The following UNC13C variants were observed in gnomAD, a reference collection of about 807,000 sequenced individuals.
UNC13C encodes the protein unc-13 homolog C, also known as protein unc-13 homolog C.
In UNC13C, 174 loss-of-function variants were observed where a neutral mutation model predicts 245.4. The ratio of observed to expected loss-of-function variants is 0.71; its 90% CI spans 0.63 to 0.80. The LOEUF is 0.80. Among genes scored for constraint, UNC13C ranks in the 30% least tolerant of loss-of-function variants. UNC13C has a pLI of 0.00. For synonymous variants in UNC13C, 992 were observed against 895.1 expected (o/e 1.11, Z -1.93); for missense variants, 2,829 against 2,602.9 (o/e 1.09, Z -1.89).
chr15:54,014,936 A>G lies in UNC13C; in HGVS notation c.2033A>G (p.Tyr678Cys). 6.2e-7 allele frequency: 1 copy of G among 1,613,914 alleles called. No homozygotes were observed. The highest frequency in any genetic ancestry group is 8.5e-7 in the Non-Finnish European group (1 of 1,179,844). ...LDSSTQEGFDYETNSLFDQQL... is the reference protein window; with the variant it reads ...LDSSTQEGFDCETNSLFDQQL... ...TCATCCACCCAGGAAGGTTTTGATT[A>G]TGAAACAAACAGTCTTTTTGACCAA... Residue 678 changes from tyrosine to cysteine, a missense_variant, in exon 2 of 33, where the codon TAT becomes TGT. Coordinates refer to ENST00000260323, the MANE Select transcript of UNC13C (RefSeq NM_001080534.3).
At chr15:54,214,596 C>T (rs762549513) in intron 4 of UNC13C, among the ~76,000 whole-genome samples, 3 of 151,918 alleles carry the variant, frequency 2.0e-5, no homozygotes, top group Non-Finnish European at 4.4e-5. Context: ...TTTATATATG[C>T]AGCATACTTC....
chr15:54,015,566 A>G lies in UNC13C; in HGVS notation c.2663A>G (p.Lys888Arg), dbSNP rs778438893. 1 of 1,613,836 alleles carries G rather than the reference A, an allele frequency of 6.2e-7. No individual in the cohort carries two copies. Among genetic ancestry groups the G allele is most frequent in the Admixed American group, 1.7e-5 (1 of 60,014 alleles). The part of the protein sequence containing the change: ...YVEVMEQVLA[K>R]LENRTSITET... ...GAAGTCATGGAACAAGTCCTTGCTA[A>G]ACTAGAAAACAGGACTAGTATTACT... Residue 888 changes from lysine to arginine, a missense_variant, in exon 2 of 33, where the codon AAA becomes AGA. By Grantham distance (26) the Lys-to-Arg change is conservative (BLOSUM62 2). Coordinates refer to ENST00000260323, the MANE Select transcript of UNC13C (RefSeq NM_001080534.3).
intron 2 of UNC13C, among the ~76,000 whole-genome samples, chr15:54,055,630 T>C (rs1382090082): frequency 6.6e-6 from 1 of 152,188 alleles, no homozygotes; most frequent in African/African-American, 2.4e-5. Context: ...GTGTTAAGCA[T>C]TACTTCTCCG....
At chr15:53,968,609 A>G in the UNC13C span, among the ~76,000 whole-genome samples, 1 of 152,278 alleles carries the variant, frequency 6.6e-6, no homozygotes, top group Middle Eastern at 3.4e-3. Context: ...AGCTGAGGAA[A>G]GATCCTAAAT....
intron 2 of UNC13C, among the ~76,000 whole-genome samples, chr15:54,040,189 C>T (rs1896753508): frequency 6.6e-6 from 1 of 152,118 alleles, no homozygotes; most frequent in African/African-American, 2.4e-5. Flanking sequence ...CTCCCAGAAG[C>T]AGACAGACTC....
At chr15:54,107,967 G>GTTT (rs1900532048) in intron 2 of UNC13C, among the ~76,000 whole-genome samples, 1 of 152,126 alleles carries the variant, frequency 6.6e-6, no homozygotes, top group African/African-American at 2.4e-5. Flanking sequence ...ATGAGCAAAG[G>GTTT]CAAAAGAGTG....
At chr15:54,318,349 T>C (rs544029025) in intron 13 of UNC13C, among the ~76,000 whole-genome samples, 39 of 152,076 alleles carry the variant, frequency 2.6e-4, no homozygotes, top group Non-Finnish European at 4.4e-4. Context: ...ACCAACAGTA[T>C]ACAGGGTTCC....
At chr15:54,155,360 G>C (rs983478914) in intron 4 of UNC13C, among the ~76,000 whole-genome samples, 1 of 152,156 alleles carries the variant, frequency 6.6e-6, no homozygotes. Context: ...AACTGGAACT[G>C]ACACCTATCA....
the UNC13C span, among the ~76,000 whole-genome samples, chr15:53,964,788 T>C: frequency 6.6e-6 from 1 of 152,166 alleles, no homozygotes; most frequent in South Asian, 2.1e-4. Flanking sequence ...AGATGAAGAT[T>C]TGAAAACACA....
intron 25 of UNC13C, among the ~76,000 whole-genome samples, chr15:54,530,292 G>T (rs899926313): frequency 6.6e-6 from 1 of 152,160 alleles, no homozygotes; most frequent in Non-Finnish European, 1.5e-5. Flanking sequence ...TGCCATTTGT[G>T]TGTTTGTCTG....
intron 28 of UNC13C, among the ~76,000 whole-genome samples, chr15:54,554,882 GT>G (rs1026875451): frequency 6.6e-6 from 1 of 151,922 alleles, no homozygotes; most frequent in African/African-American, 2.4e-5. Context: ...TTTAAAATCA[GT>G]TCTAAAATAC....
At chr15:54,327,328 T>A (rs1416295272) in intron 14 of UNC13C, among the ~76,000 whole-genome samples, 1 of 152,008 alleles carries the variant, frequency 6.6e-6, no homozygotes, top group Non-Finnish European at 1.5e-5. Flanking sequence ...TTTCTACACA[T>A]TTTTGGCTGC....
the UNC13C span, among the ~76,000 whole-genome samples, chr15:53,863,817 A>C: frequency 6.6e-6 from 1 of 152,162 alleles, no homozygotes; most frequent in African/African-American, 2.4e-5. Flanking sequence ...TCTAATTTCC[A>C]GCATCGACTT....
At chr15:54,135,689 T>G (rs2031691869) in intron 2 of UNC13C, among the ~76,000 whole-genome samples, 1 of 152,210 alleles carries the variant, frequency 6.6e-6, no homozygotes, top group African/African-American at 2.4e-5. Context: ...ACCATATTGT[T>G]TCAATTACTA....
At chr15:54,032,244 C>T (rs1896387453) in intron 2 of UNC13C, among the ~76,000 whole-genome samples, 4 of 152,042 alleles carry the variant, frequency 2.6e-5, no homozygotes, top group Admixed American at 6.5e-5. Context: ...TTAGTATGAA[C>T]GATTTAGAAA....
At chr15:54,503,695 A>G (rs1894335366) in intron 22 of UNC13C, among the ~76,000 whole-genome samples, 1 of 152,194 alleles carries the variant, frequency 6.6e-6, no homozygotes, top group Admixed American at 6.5e-5. Flanking sequence ...TGTATTTTAT[A>G]TAACAAAGTA....
chr15:54,036,278 C>T (rs1478402346), intron 2 of UNC13C, among the ~76,000 whole-genome samples: 1 of 152,210 alleles, frequency 6.6e-6, no homozygotes, highest in Non-Finnish European at 1.5e-5. Flanking sequence ...TGAGGTGCGA[C>T]TGACACTACT....
At chr15:54,592,801 A>G (rs1898865610) in intron 30 of UNC13C, among the ~76,000 whole-genome samples, 1 of 149,154 alleles carries the variant, frequency 6.7e-6, no homozygotes. Flanking sequence ...TAATGTTAGT[A>G]TTGAAATGTG....
chr15:54,426,503 AAT>A (rs1264472573), intron 19 of UNC13C, among the ~76,000 whole-genome samples: 1 of 151,372 alleles, frequency 6.6e-6, no homozygotes, highest in African/African-American at 2.4e-5. Context: ...AACAAAAAAA[AAT>A]AAAAGTTGTA....
Sources: allele counts gnomAD v4.1 joint callset (sites outside exome capture counted in the v4.1 genomes callset), GRCh38; gene constraint gnomAD v4.1.1; transcripts MANE v1.5; gene names NCBI Gene and HGNC (gene_info 2026-07-23, HGNC 2026-07-21).